SPAG9: variants seen among roughly 807,000 people sequenced by gnomAD.
The protein encoded by SPAG9 is sperm associated antigen 9.
In SPAG9, 35 loss-of-function variants were observed where a neutral mutation model predicts 166.5. The ratio of observed to expected loss-of-function variants is 0.21; its 90% CI spans 0.16 to 0.28. The LOEUF (loss-of-function observed/expected upper bound fraction) is 0.28. Among genes scored for constraint, SPAG9 ranks in the 10% least tolerant of loss-of-function variants. The probability of loss-of-function intolerance (pLI) is 1.00; values close to 1 mark genes in which losing one functional copy is unlikely to be tolerated. For missense variants in SPAG9, 1,235 were observed against 1,603.3 expected (o/e 0.77, Z 3.92); for synonymous variants, 534 against 565.5 (o/e 0.94, Z 0.79).
In SPAG9 at chr17:50,965,670, C is replaced by A. The variant is rs1426861948; in HGVS notation, c.*602G>T. On this transcript the variant is annotated 3_prime_UTR_variant, in exon 30 of 30. Coordinates refer to ENST00000262013, the MANE Select transcript of SPAG9 (RefSeq NM_001130528.3). Reference sequence around the variant, plus strand: ...TATTTAAATAGTGTAGTCTTAATTTCTTTAATATAAAACCCCCCCAAATCT... The same window carrying A: ...TATTTAAATAGTGTAGTCTTAATTTATTTAATATAAAACCCCCCCAAATCT... 1 of 152,184 alleles carries A rather than the reference C, an allele frequency of 6.6e-6. No homozygotes were observed. The highest frequency in any genetic ancestry group is 2.4e-5 in the African/African-American group (1 of 41,422). The allele number at this position is 152,184 out of a possible 1,614,324, so 9.4% of individuals were successfully genotyped here.
chr17:51,056,350 T>C (rs918745462), intron 3 of SPAG9, 62 bp downstream of exon 3: 10 of 920,414 alleles, frequency 1.1e-5, no homozygotes, highest in South Asian at 1.1e-4. Flanking sequence ...TTAAGACATA[T>C]TTTCTAAGGT....
intron 1 of SPAG9, among the ~76,000 whole-genome samples, chr17:51,115,752 C>T (rs1157297610): frequency 2.0e-5 from 3 of 151,958 alleles, no homozygotes; most frequent in East Asian, 1.9e-4. Flanking sequence ...ACTGTTTGAA[C>T]CCAGGAGGCG....
In SPAG9 at chr17:50,966,490, A is replaced by C. The variant is rs1027193655; in HGVS notation, c.3851-103T>G. ...GGTTAGTCCATGAACAAGATGCCCA[A>C]AACTTGTCTGACTTTCACTGGAGAG... On this transcript the variant is annotated intron_variant, in intron 29 of 29. Coordinates refer to ENST00000262013, the MANE Select transcript of SPAG9 (RefSeq NM_001130528.3). 2.7e-5 allele frequency: 20 copies of C among 753,960 alleles called. No individual in the cohort carries two copies. The Admixed American group carries it at 2.8e-4, about 11-fold the overall frequency. The allele number at this position is 753,960 out of a possible 1,614,324, so 46.7% of individuals were successfully genotyped here.
intron 16 of SPAG9, 51 bp downstream of exon 16, chr17:50,996,514 A>G: frequency 6.2e-7 from 1 of 1,610,236 alleles, no homozygotes; most frequent in African/African-American, 1.3e-5. Context: ...ACGCACACTC[A>G]ACTTGCCCTC....
intron 14 of SPAG9, among the ~76,000 whole-genome samples, chr17:50,999,150 T>G (rs2044814883): frequency 6.6e-6 from 1 of 152,204 alleles, no homozygotes; most frequent in Non-Finnish European, 1.5e-5. Flanking sequence ...TAATTGACAC[T>G]TCCATTAAAT....
chr17:51,009,908 T>A (rs961495102), intron 9 of SPAG9, among the ~76,000 whole-genome samples: 1 of 152,134 alleles, frequency 6.6e-6, no homozygotes, highest in Non-Finnish European at 1.5e-5. Context: ...ATTGAATATA[T>A]AACCAATAGG....
rs1973193984 is a variant in SPAG9, at chr17:50,962,974, A to G, written c.*3298T>C. 1 of 152,204 alleles carries G rather than the reference A, an allele frequency of 6.6e-6. No individual in the cohort carries two copies. Among genetic ancestry groups the G allele is most frequent in the Non-Finnish European group, 1.5e-5 (1 of 68,030 alleles). The allele number at this position is 152,204 out of a possible 1,614,324, so 9.4% of individuals were successfully genotyped here. On this transcript the variant is annotated 3_prime_UTR_variant, in exon 30 of 30. Coordinates refer to ENST00000262013, the MANE Select transcript of SPAG9 (RefSeq NM_001130528.3). ...TCCTATTTTTAAAATTTAGATCCAC[A>G]TGGGTTAGAGAAAAATACTCTCAAA...
At chr17:51,052,989 G>A (rs2047223228) in intron 3 of SPAG9, among the ~76,000 whole-genome samples, 2 of 151,934 alleles carry the variant, frequency 1.3e-5, no homozygotes, top group Admixed American at 6.6e-5. Context: ...AACCTGGGAG[G>A]CAGAGGCTGC....
intron 1 of SPAG9, among the ~76,000 whole-genome samples, chr17:51,119,053 G>T (rs1485121734): frequency 2.7e-5 from 3 of 112,704 alleles, no homozygotes; most frequent in African/African-American, 9.3e-5. Context: ...AAAAAAAAAA[G>T]GCAATTTTGT....
Position 50,964,610 on chromosome 17 carries a change from T to G in SPAG9, c.*1662A>C. ...CTCAAAAAAAAAAAAAAAAATCATATTTAGCTTTGCCTAGAGTAATAGATA... is the reference window on the plus strand; with the variant it reads ...CTCAAAAAAAAAAAAAAAAATCATAGTTAGCTTTGCCTAGAGTAATAGATA... On this transcript the variant is annotated 3_prime_UTR_variant, in exon 30 of 30. Coordinates refer to ENST00000262013, the MANE Select transcript of SPAG9 (RefSeq NM_001130528.3). The G allele has an allele frequency of 4.0e-6, 1 of 249,790 alleles. No homozygotes were observed. The allele number at this position is 249,790 out of a possible 1,614,324, so 15.5% of individuals were successfully genotyped here. A position where few individuals can be genotyped will look rare whatever the true frequency, so the allele number is the denominator to read the frequency against.
At chr17:51,039,628 C>G (rs775816886) in intron 5 of SPAG9, among the ~76,000 whole-genome samples, 23 of 151,928 alleles carry the variant, frequency 1.5e-4, no homozygotes, top group Non-Finnish European at 3.2e-4. Flanking sequence ...AGGGAGGACA[C>G]GAGAAACTCC....
chr17:50,982,271 C>A (rs1417041670), intron 25 of SPAG9, among the ~76,000 whole-genome samples: 1 of 152,170 alleles, frequency 6.6e-6, no homozygotes, highest in African/African-American at 2.4e-5. Flanking sequence ...TGGATACATA[C>A]ACAGACACAC....
chr17:51,027,232 G>C (rs1395713661), intron 6 of SPAG9, among the ~76,000 whole-genome samples: 1 of 152,016 alleles, frequency 6.6e-6, no homozygotes, highest in African/African-American at 2.4e-5. Flanking sequence ...AGAAGTTTGA[G>C]ACCAGCCTGG....
chr17:50,979,635 A>G (rs1193768209), intron 26 of SPAG9, 111 bp downstream of exon 26: 1 of 1,015,082 alleles, frequency 9.9e-7, no homozygotes, highest in East Asian at 2.4e-5. Flanking sequence ...GTGCATAGCC[A>G]CTGCACTCCA....
At chr17:51,027,830 AAAT>A (rs1438389795) in intron 6 of SPAG9, among the ~76,000 whole-genome samples, 21 of 152,202 alleles carry the variant, frequency 1.4e-4, no homozygotes, top group Admixed American at 1.4e-3. Flanking sequence ...TTCTACTTAA[AAAT>A]AATAATAAAG....
intron 6 of SPAG9, 108 bp downstream of exon 6, chr17:51,031,566 ACAATAGT>A: frequency 1.3e-6 from 1 of 794,738 alleles, no homozygotes; most frequent in South Asian, 1.5e-5. Flanking sequence ...GTGAATTACA[ACAATAGT>A]CTTCCAAGCT....
chr17:51,100,417 C>T (rs1008385151), intron 1 of SPAG9, among the ~76,000 whole-genome samples: 1 of 152,068 alleles, frequency 6.6e-6, no homozygotes, highest in African/African-American at 2.4e-5. Context: ...CCAGCCTGGG[C>T]AACATGGTGA....
intron 25 of SPAG9, 37 bp downstream of exon 25, chr17:50,982,487 A>G: frequency 6.4e-7 from 1 of 1,568,768 alleles, no homozygotes; most frequent in South Asian, 1.2e-5. Context: ...GATAATACAA[A>G]TTCAATAAAT....
intron 25 of SPAG9, among the ~76,000 whole-genome samples, chr17:50,981,641 G>T (rs763209609): frequency 6.6e-6 from 1 of 151,676 alleles, no homozygotes; most frequent in Non-Finnish European, 1.5e-5. Context: ...GGAGGGTGAA[G>T]GAGGGCTTTC....
Sources: gnomAD v4.1 joint callset for allele counts (sites outside exome capture counted in the v4.1 genomes callset) on GRCh38, gnomAD v4.1.1 for gene constraint, MANE v1.5 for transcripts, NCBI Gene and HGNC (gene_info 2026-07-23, HGNC 2026-07-21) for gene names.